XIST: variants seen among roughly 807,000 people sequenced by gnomAD.
The protein encoded by XIST is X inactive specific transcript.
exon 6 of XIST, chrX:73,825,157 A>G (rs754458591): frequency 3.8e-6 from 2 of 531,139 alleles, no homozygotes; most frequent in Admixed American, 4.9e-5. Flanking sequence ...CAACAAGCTT[A>G]GTCCCTTATG....
At chrX:73,848,594 A>C (rs1922833410) in exon 1 of XIST, 2 of 558,177 alleles carry the variant, frequency 3.6e-6, no homozygotes, top group Non-Finnish European at 3.2e-6. Flanking sequence ...TTTCTAATGG[A>C]CAGGACTCTG....
chrX:73,832,059 G>C (rs1247582541), intron 3 of XIST, among the ~76,000 whole-genome samples: 3 of 112,322 alleles, frequency 2.7e-5, no homozygotes, highest in Admixed American at 1.9e-4. Flanking sequence ...AGCTGGCCAG[G>C]CGTGGTGGCT....
chrX:73,826,837 T>G (rs759014152), exon 6 of XIST: 3 of 556,413 alleles, frequency 5.4e-6, no homozygotes, highest in African/African-American at 4.5e-5. Context: ...GGGCTAATCT[T>G]AGGTCGTTGG....
chrX:73,840,524 T>G (rs1031606983), intron 1 of XIST, among the ~76,000 whole-genome samples: 4 of 111,309 alleles, frequency 3.6e-5, no homozygotes, highest in Non-Finnish European at 7.6e-5. Flanking sequence ...TTACGAAAGG[T>G]GGGAGGAAAG....
At chrX:73,831,413 C>A (rs1380353439) in intron 3 of XIST, 2 of 366,956 alleles carry the variant, frequency 5.5e-6, no homozygotes, top group Non-Finnish European at 9.4e-6. Flanking sequence ...TACAGTTGTG[C>A]GGAGCTGTTA....
At chrX:73,835,572 T>G (rs1922468695) in intron 2 of XIST, among the ~76,000 whole-genome samples, 1 of 112,476 alleles carries the variant, frequency 8.9e-6, no homozygotes, top group Non-Finnish European at 1.9e-5. Flanking sequence ...ATAGTTGTAT[T>G]ATAGATGTAG....
exon 1 of XIST, chrX:73,845,044 T>C (rs746537353): frequency 1.8e-6 from 1 of 557,340 alleles, no homozygotes; most frequent in Non-Finnish European, 3.2e-6. Context: ...GCACACCTAC[T>C]GTACTGCAAA....
exon 1 of XIST, chrX:73,850,656 C>T (rs747919865): frequency 1.1e-5 from 5 of 475,330 alleles, no homozygotes; most frequent in Non-Finnish European, 1.9e-5. Flanking sequence ...CTGCCCATGG[C>T]AACAGTGCAG....
rs748928242 is a variant in XIST at position 73,843,902 on chromosome X, T to C, written n.8822A>G. The stretch of plus-strand genomic sequence containing the variant: ...GAAAGGTGATGGGGTATGACCTTAA[T>C]CTACTGACAAAGACAAAAGAAAATT... On this transcript the variant is annotated non_coding_transcript_exon_variant, in exon 1 of 6. Transcript: ENST00000429829. 1.4e-4 allele frequency: 80 copies of C among 556,275 alleles called. 2 individuals are homozygous for C. The highest frequency in any genetic ancestry group is 3.4e-4 in the South Asian group (15 of 44,596). The allele number at this position is 556,275 out of a possible 1,213,427, so 45.8% of individuals were successfully genotyped here. A position where few individuals can be genotyped will look rare whatever the true frequency, so the allele number is the denominator to read the frequency against.
exon 1 of XIST, chrX:73,851,437 G>T: frequency 1.8e-6 from 1 of 558,573 alleles, no homozygotes; most frequent in Non-Finnish European, 3.2e-6. Flanking sequence ...ACAAAGCCTC[G>T]CCCATCATGA....
exon 6 of XIST, chrX:73,826,387 G>C: frequency 1.8e-6 from 1 of 558,660 alleles, no homozygotes; most frequent in Non-Finnish European, 3.2e-6. Context: ...ATACTGACTG[G>C]ATTTTGGTGT....
chrX:73,824,053 C>G, exon 6 of XIST: 1 of 554,994 alleles, frequency 1.8e-6, no homozygotes, highest in South Asian at 2.3e-5. Flanking sequence ...CAGTTGTTAT[C>G]TCTAAGGATA....
chrX:73,825,992 T>A (rs772087977), exon 6 of XIST: 3 of 558,845 alleles, frequency 5.4e-6, no homozygotes, highest in Non-Finnish European at 9.7e-6. Context: ...GTCCACCAAA[T>A]TATTTGGCCA....
At chrX:73,833,385 A>G (rs1569511912) in intron 2 of XIST, 4 of 549,872 alleles carry the variant, frequency 7.3e-6, no homozygotes, top group Non-Finnish European at 1.3e-5. Context: ...CTTAAGAAGA[A>G]AGACAGGGTT....
chrX:73,850,009 A>G, exon 1 of XIST: 7 of 558,815 alleles, frequency 1.3e-5, no homozygotes, highest in Non-Finnish European at 1.9e-5. Flanking sequence ...ATAAGTCTGA[A>G]TAGAGGACAC....
At chrX:73,821,354 A>AAAG (rs770198940) in exon 6 of XIST, 31 of 553,000 alleles carry the variant, frequency 5.6e-5, no homozygotes, top group Non-Finnish European at 9.1e-5. Context: ...AATGAACAAT[A>AAAG]AAGTCCTCTT....
chrX:73,847,679 T>C, exon 1 of XIST: 1 of 533,185 alleles, frequency 1.9e-6, no homozygotes, highest in South Asian at 2.4e-5. Flanking sequence ...TGAAATGTCT[T>C]AGACAATTGA....
intron 4 of XIST, chrX:73,829,452 A>G (rs1922334164): frequency 3.1e-6 from 1 of 327,709 alleles, no homozygotes; most frequent in Non-Finnish European, 5.4e-6. Flanking sequence ...TCACTTGATG[A>G]GTCACTAGAG....
At chrX:73,847,405 T>TC (rs772467365) in exon 1 of XIST, 1 of 118,520 alleles carries the variant, frequency 8.4e-6, no homozygotes. Context: ...ATTGTCTTAC[T>TC]TTTTTTTTTT....
Sources: gnomAD v4.1 joint callset for allele counts (sites outside exome capture counted in the v4.1 genomes callset) on GRCh38, gnomAD v4.1.1 for gene constraint, MANE v1.5 for transcripts, NCBI Gene and HGNC (gene_info 2026-07-23, HGNC 2026-07-21) for gene names.